IMMP2L: variants seen among roughly 807,000 people sequenced by gnomAD.
IMMP2L encodes inner mitochondrial membrane peptidase subunit 2.
In IMMP2L, 18 loss-of-function variants were observed where a neutral mutation model predicts 19.3. The ratio of observed to expected loss-of-function variants is 0.93; its 90% confidence interval spans 0.64 to 1.38. The LOEUF is 1.38. IMMP2L is among the 40% of genes most tolerant of loss of function. IMMP2L has a pLI of 0.00. For missense variants in IMMP2L, 233 were observed against 218.2 expected, an observed-to-expected ratio of 1.07 and a Z score of -0.43; for synonymous variants, 76 against 73.0, an observed-to-expected ratio of 1.04 and a Z score of -0.21.
intron 3 of IMMP2L, among the ~76,000 whole-genome samples, chr7:111,263,025 CAT>C (rs1817481214): frequency 6.6e-6 from 1 of 151,864 alleles, no homozygotes; most frequent in African/African-American, 2.4e-5. Flanking sequence ...GGAGGAGAAT[CAT>C]AAAAAAAATG....
intron 3 of IMMP2L, among the ~76,000 whole-genome samples, chr7:111,460,890 T>C (rs573187898): frequency 6.6e-6 from 1 of 152,242 alleles, no homozygotes; most frequent in African/African-American, 2.4e-5. Flanking sequence ...AGTAAATCAT[T>C]ATTCAGCATT....
intron 4 of IMMP2L, among the ~76,000 whole-genome samples, chr7:110,888,444 C>T (rs1252393436): frequency 1.3e-5 from 2 of 152,120 alleles, no homozygotes; most frequent in East Asian, 3.9e-4. Flanking sequence ...GATAAATGCT[C>T]AGAAAGAAAA....
chr7:110,948,297 G>A (rs1197037185), intron 4 of IMMP2L, among the ~76,000 whole-genome samples: 1 of 152,110 alleles, frequency 6.6e-6, no homozygotes, highest in Admixed American at 6.5e-5. Flanking sequence ...AATAATTACT[G>A]CTTGTTCCTG....
chr7:111,458,377 T>G (rs1423289844), intron 3 of IMMP2L, among the ~76,000 whole-genome samples: 1 of 150,180 alleles, frequency 6.7e-6, no homozygotes, highest in East Asian at 1.9e-4. Flanking sequence ...AGACACCATC[T>G]CAAGAAAAAA....
intron 5 of IMMP2L, among the ~76,000 whole-genome samples, chr7:110,824,294 A>G (rs1803274857): frequency 6.6e-6 from 1 of 152,116 alleles, no homozygotes; most frequent in African/African-American, 2.4e-5. Context: ...TCCAGTTTCT[A>G]GGCATTTGTC....
intron 3 of IMMP2L, among the ~76,000 whole-genome samples, chr7:111,073,034 A>G (rs1415321687): frequency 2.0e-5 from 3 of 152,192 alleles, no homozygotes; most frequent in Admixed American, 2.0e-4. Flanking sequence ...AAATTTGAAT[A>G]TGGAATATAT....
At chr7:111,249,126 G>A (rs1562965855) in intron 3 of IMMP2L, among the ~76,000 whole-genome samples, 1 of 64,078 alleles carries the variant, frequency 1.6e-5, no homozygotes, top group Non-Finnish European at 2.9e-5. Flanking sequence ...CAGCCTCGTT[G>A]CCGCCTTGCA....
At chr7:111,409,721 A>G (rs1414718329) in intron 3 of IMMP2L, among the ~76,000 whole-genome samples, 1 of 151,872 alleles carries the variant, frequency 6.6e-6, no homozygotes, top group Non-Finnish European at 1.5e-5. Flanking sequence ...CATTCATTAA[A>G]TTTAAGTGAA....
intron 4 of IMMP2L, among the ~76,000 whole-genome samples, chr7:110,901,912 T>C (rs1325154283): frequency 1.3e-5 from 2 of 152,258 alleles, no homozygotes; most frequent in African/African-American, 4.8e-5. Context: ...ATTAGATACA[T>C]GGCAGAAGTA....
intron 5 of IMMP2L, among the ~76,000 whole-genome samples, chr7:110,685,939 C>T (rs1256458781): frequency 2.0e-5 from 3 of 151,956 alleles, no homozygotes; most frequent in African/African-American, 7.3e-5. Flanking sequence ...GTTAAATGAG[C>T]AATATTTTCT....
chr7:110,892,774 T>C, intron 4 of IMMP2L, among the ~76,000 whole-genome samples: 1 of 152,288 alleles, frequency 6.6e-6, no homozygotes, highest in South Asian at 2.1e-4. Flanking sequence ...TATTGGGGTA[T>C]AATTTACATG....
chr7:111,049,215 C>T (rs1792765693), intron 3 of IMMP2L, among the ~76,000 whole-genome samples: 1 of 149,438 alleles, frequency 6.7e-6, no homozygotes, highest in Non-Finnish European at 1.5e-5. Flanking sequence ...ACTGCAAGCT[C>T]CGCCTCCCGG....
At chr7:110,836,508 T>A (rs895937686) in intron 5 of IMMP2L, among the ~76,000 whole-genome samples, 1 of 152,146 alleles carries the variant, frequency 6.6e-6, no homozygotes, top group Admixed American at 6.5e-5. Flanking sequence ...TCTTGCCTGC[T>A]GCCATGTGAG....
At chr7:110,927,892 A>G (rs1815034539) in intron 4 of IMMP2L, among the ~76,000 whole-genome samples, 1 of 152,136 alleles carries the variant, frequency 6.6e-6, no homozygotes, top group African/African-American at 2.4e-5. Flanking sequence ...TGAAACAGTG[A>G]CCTTGCTTAA....
intron 3 of IMMP2L, among the ~76,000 whole-genome samples, chr7:111,445,760 G>C (rs893286814): frequency 2.6e-5 from 4 of 152,190 alleles, no homozygotes; most frequent in Non-Finnish European, 4.4e-5. Context: ...GAGTGACGCA[G>C]AAGACGGGTG....
chr7:110,704,352 C>T (rs1794499059), intron 5 of IMMP2L, among the ~76,000 whole-genome samples: 1 of 152,234 alleles, frequency 6.6e-6, no homozygotes, highest in African/African-American at 2.4e-5. Context: ...TCCTTCCTAA[C>T]ATTTCCAAAT....
At chr7:110,756,376 A>G (rs1360263552) in intron 5 of IMMP2L, among the ~76,000 whole-genome samples, 4 of 152,046 alleles carry the variant, frequency 2.6e-5, no homozygotes, top group Admixed American at 6.6e-5. Context: ...ATTCTGAGTA[A>G]GCTCTAGATC....
intron 3 of IMMP2L, among the ~76,000 whole-genome samples, chr7:111,409,931 T>C (rs1834248267): frequency 6.6e-6 from 1 of 151,698 alleles, no homozygotes; most frequent in Non-Finnish European, 1.5e-5. Flanking sequence ...CAAACTGTGG[T>C]ATAAGAATGG....
At chr7:111,496,923 T>C (rs771865585) in intron 2 of IMMP2L, among the ~76,000 whole-genome samples, 9 of 151,170 alleles carry the variant, frequency 6.0e-5, no homozygotes, top group South Asian at 2.1e-4. Flanking sequence ...GATAGATAGA[T>C]AGACAGACAG....
Sources: gnomAD v4.1 joint callset for allele counts (sites outside exome capture counted in the v4.1 genomes callset) on GRCh38, gnomAD v4.1.1 for gene constraint, MANE v1.5 for transcripts, NCBI Gene and HGNC (gene_info 2026-07-23, HGNC 2026-07-21) for gene names.